Variants in LMBR1 observed in about 807,000 individuals in gnomAD.
The protein encoded by LMBR1 is limb development membrane protein 1.
Under a neutral mutation model 73.9 loss-of-function variants are expected in LMBR1, and 52 were observed. The observed-to-expected ratio is 0.70, with a 90% CI of 0.56 to 0.89. The LOEUF is 0.89. Ranked by LOEUF, LMBR1 falls within the 40% of genes least tolerant of loss-of-function variation. LMBR1 has a pLI of 0.00. For missense variants in LMBR1, 539 were observed against 579.8 expected (o/e 0.93, Z 0.72); for synonymous variants, 215 against 209.4 (o/e 1.03, Z -0.23).
rs1805125542 is a variant in LMBR1, at chr7:156,681,951, G to T, written c.*2127C>A. 6.6e-6 allele frequency: 1 copy of T among 152,292 alleles called. No homozygotes were observed. Among genetic ancestry groups the T allele is most frequent in the South Asian group, 2.1e-4 (1 of 4,836 alleles). The allele number at this position is 152,292 out of a possible 1,614,324, so 9.4% of individuals were successfully genotyped here. ...TTTGGAGTCAGTCTCTCCAGAGGCAGATGCTTGGGCATGTGCTCAGGAAGA... is the reference window on the plus strand; with the variant it reads ...TTTGGAGTCAGTCTCTCCAGAGGCATATGCTTGGGCATGTGCTCAGGAAGA... On this transcript the variant is annotated 3_prime_UTR_variant, in exon 17 of 17. Coordinates refer to ENST00000353442, the MANE Select transcript of LMBR1 (RefSeq NM_022458.4).
chr7:156,676,163 A>T (rs1803953033), downstream of LMBR1: 3 of 1,138,002 alleles, frequency 2.6e-6, no homozygotes, highest in South Asian at 5.2e-5. Context: ...GAAATTCTGG[A>T]AGTTCCTGTT....
At position 156,682,860 on chromosome 7, in the gene LMBR1, T is replaced by C. The variant is rs1326947594; in HGVS notation, c.*1218A>G. 1.3e-5 allele frequency: 2 copies of C among 152,210 alleles called. No homozygotes were observed. The highest frequency in any genetic ancestry group is 2.4e-5 in the African/African-American group (1 of 41,448). 9.4% of individuals were successfully genotyped at this position (152,210 alleles called of 1,614,324 possible). A position where few individuals can be genotyped will look rare whatever the true frequency, so the allele number is the denominator to read the frequency against. The stretch of plus-strand genomic sequence containing the variant: ...ATATAGCAGACTGCATAACTACGAA[T>C]TGTGTGCAAATGGGCCCATCTCCTA... On this transcript the variant is annotated 3_prime_UTR_variant, in exon 17 of 17. Transcript: ENST00000353442.
chr7:156,779,573 T>C (rs1826749822), intron 5 of LMBR1: 1 of 578,246 alleles, frequency 1.7e-6, no homozygotes, highest in Admixed American at 2.7e-5. Context: ...ATGGTTATGA[T>C]ATAATTGCTT....
At chr7:156,835,126 G>A (rs537370175) in intron 2 of LMBR1, among the ~76,000 whole-genome samples, 2 of 152,006 alleles carry the variant, frequency 1.3e-5, no homozygotes, top group African/African-American at 2.4e-5. Context: ...GTGACAGGGC[G>A]AGACTTGTCT....
intron 15 of LMBR1, among the ~76,000 whole-genome samples, chr7:156,688,965 T>A (rs992184892): frequency 6.6e-5 from 10 of 152,196 alleles, no homozygotes; most frequent in African/African-American, 2.4e-4. Flanking sequence ...AATCTGAGTT[T>A]AATGCTTATA....
intron 1 of LMBR1, among the ~76,000 whole-genome samples, chr7:156,848,697 C>A (rs2134048309): frequency 6.6e-6 from 1 of 152,142 alleles, no homozygotes; most frequent in African/African-American, 2.4e-5. Context: ...TTTGGGAGGC[C>A]AAGGTGGGTG....
chr7:156,824,349 T>C (rs1264594242), intron 4 of LMBR1, among the ~76,000 whole-genome samples: 1 of 152,142 alleles, frequency 6.6e-6, no homozygotes, highest in African/African-American at 2.4e-5. Flanking sequence ...AATTATCTTC[T>C]ATACTTTCTC....
intron 15 of LMBR1, among the ~76,000 whole-genome samples, chr7:156,718,059 A>G (rs1374144880): frequency 2.6e-5 from 4 of 152,194 alleles, no homozygotes; most frequent in Admixed American, 2.6e-4. Context: ...CAAATGAAAT[A>G]ATTTGTTCAT....
intron 1 of LMBR1, among the ~76,000 whole-genome samples, chr7:156,840,791 C>T (rs372650737): frequency 7.9e-6 from 1 of 126,136 alleles, no homozygotes; most frequent in East Asian, 2.1e-4. Flanking sequence ...AACCCCGTCT[C>T]TACTAAAAAT....
intron 5 of LMBR1, among the ~76,000 whole-genome samples, chr7:156,769,097 G>A (rs1824695353): frequency 6.6e-6 from 1 of 152,134 alleles, no homozygotes; most frequent in Non-Finnish European, 1.5e-5. Context: ...TGTAAAACAC[G>A]AATACCAATT....
chr7:156,851,868 G>C (rs535622874), intron 1 of LMBR1, among the ~76,000 whole-genome samples: 2 of 152,222 alleles, frequency 1.3e-5, no homozygotes, highest in East Asian at 3.9e-4. Context: ...TACACAGGAT[G>C]AAAGTACTAT....
rs1277375295 is a variant in LMBR1 at position 156,892,800 on chromosome 7, G to A, written c.66+128C>T. On this transcript the variant is annotated intron_variant, in intron 1 of 16. Coordinates refer to ENST00000353442, the MANE Select transcript of LMBR1 (RefSeq NM_022458.4). ...GGAGGGGTGGGGAGGGAGAGCGGCA[G>A]AGGCCGGGGCGGGAGGCGCGAGGCG... is the stretch of plus-strand genomic sequence containing the variant. 19 of 453,702 alleles carry A rather than the reference G, an allele frequency of 4.2e-5. No homozygotes were observed. In the African/African-American group the frequency reaches 5.1e-4, roughly 12 times the overall value. 28.1% of individuals were successfully genotyped at this position (453,702 alleles called of 1,614,324 possible). A position where few individuals can be genotyped will look rare whatever the true frequency, so the allele number is the denominator to read the frequency against.
downstream of LMBR1, chr7:156,675,584 C>T (rs1803707804): frequency 3.7e-6 from 3 of 804,878 alleles, no homozygotes; most frequent in South Asian, 1.6e-5. Context: ...AAGTATTATT[C>T]GAAGACAGAG....
chr7:156,807,402 A>C (rs1456773599), intron 4 of LMBR1, among the ~76,000 whole-genome samples: 1 of 151,172 alleles, frequency 6.6e-6, no homozygotes, highest in East Asian at 1.9e-4. Flanking sequence ...ATATTTGAGA[A>C]GGCTTTAATA....
chr7:156,767,558 A>G (rs970039947), intron 5 of LMBR1, among the ~76,000 whole-genome samples: 12 of 152,210 alleles, frequency 7.9e-5, no homozygotes, highest in African/African-American at 2.9e-4. Context: ...TTAAAGTTAA[A>G]TAATGCTACT....
At chr7:156,688,001 GAA>G in intron 16 of LMBR1, 27 bp downstream of exon 16, 1 of 1,522,750 alleles carries the variant, frequency 6.6e-7, no homozygotes, top group Non-Finnish European at 8.8e-7. Context: ...GTAGAAAGAG[GAA>G]AAAATACCCA....
At chr7:156,676,159 C>A, downstream of LMBR1, 1 of 1,118,968 alleles carries the variant, frequency 8.9e-7, no homozygotes, top group Non-Finnish European at 1.2e-6. Context: ...GTTTGAAATT[C>A]TGGAAGTTCC....
intron 1 of LMBR1, among the ~76,000 whole-genome samples, chr7:156,892,008 T>C (rs974801347): frequency 5.3e-5 from 8 of 152,160 alleles, no homozygotes; most frequent in African/African-American, 1.4e-4. Flanking sequence ...ACATAAAAAA[T>C]TGACATATTT....
chr7:156,794,738 G>T (rs181447633), intron 5 of LMBR1, among the ~76,000 whole-genome samples: 24 of 152,236 alleles, frequency 1.6e-4, no homozygotes, highest in African/African-American at 5.8e-4. Flanking sequence ...GTAGTGTCAG[G>T]AAGAGGGAAG....
Sources: allele counts gnomAD v4.1 joint callset (sites outside exome capture counted in the v4.1 genomes callset), GRCh38; gene constraint gnomAD v4.1.1; transcripts MANE v1.5; gene names NCBI Gene and HGNC (gene_info 2026-07-23, HGNC 2026-07-21).